Variants in NMBR observed in about 807,000 individuals in gnomAD.
NMBR encodes neuromedin-B receptor.
In NMBR, 16 loss-of-function variants were observed where a neutral mutation model predicts 20.5. The observed-to-expected ratio is 0.78, with a 90% CI of 0.53 to 1.19. NMBR has a LOEUF of 1.19. Ranked by LOEUF, NMBR falls within the 50% of genes most tolerant of loss-of-function variation. The pLI is 0.00. For missense variants in NMBR, 582 were observed against 499.1 expected (o/e 1.17, Z -1.58); for synonymous variants, 212 against 196.6 (o/e 1.08, Z -0.65).
chr6:142,140,708 C>A (rs1046101474), intron 1 of NMBR, among the ~76,000 whole-genome samples: 5 of 152,150 alleles, frequency 3.3e-5, no homozygotes, highest in East Asian at 1.9e-4. Flanking sequence ...ATTTTAAAAT[C>A]TTGAATATTT....
intron 2 of NMBR, among the ~76,000 whole-genome samples, chr6:142,079,165 GAA>G (rs1777041760): frequency 2.6e-5 from 1 of 38,024 alleles, no homozygotes; most frequent in Non-Finnish European, 4.7e-5. Context: ...GAGAGGAGAG[GAA>G]AGGAAAGGAA....
At chr6:142,087,088 G>A (rs1777213203) in intron 2 of NMBR, among the ~76,000 whole-genome samples, 1 of 152,136 alleles carries the variant, frequency 6.6e-6, no homozygotes, top group Non-Finnish European at 1.5e-5. Flanking sequence ...TAAGTTTCCA[G>A]GAGTGTGGTT....
chr6:142,122,965 T>C (rs963892026), intron 1 of NMBR, among the ~76,000 whole-genome samples: 1 of 151,900 alleles, frequency 6.6e-6, no homozygotes, highest in African/African-American at 2.4e-5. Flanking sequence ...CTGCAGCCAA[T>C]GGGAAAAGGA....
intron 1 of NMBR, among the ~76,000 whole-genome samples, chr6:142,123,860 G>A (rs570686553): frequency 5.3e-5 from 8 of 152,000 alleles, no homozygotes; most frequent in African/African-American, 7.2e-5. Flanking sequence ...GTAGTTTGCC[G>A]AACCCCTTCC....
At chr6:142,105,507 T>A (rs1777645965) in intron 1 of NMBR, among the ~76,000 whole-genome samples, 1 of 152,212 alleles carries the variant, frequency 6.6e-6, no homozygotes, top group African/African-American at 2.4e-5. Context: ...TTTTACATTT[T>A]CTCCAACTTT....
intron 1 of NMBR, among the ~76,000 whole-genome samples, chr6:142,116,743 G>A (rs573069152): frequency 2.1e-4 from 32 of 151,784 alleles, no homozygotes; most frequent in African/African-American, 5.8e-4. Flanking sequence ...TCATGTTTCC[G>A]TTAAAATTTG....
chr6:142,122,065 G>A (rs994235187), intron 1 of NMBR, among the ~76,000 whole-genome samples: 1 of 151,916 alleles, frequency 6.6e-6, no homozygotes, highest in African/African-American at 2.4e-5. Context: ...TCAGCATAAA[G>A]TTTGAAATGG....
At chr6:142,100,018 T>C (rs1180241924) in intron 1 of NMBR, among the ~76,000 whole-genome samples, 4 of 152,166 alleles carry the variant, frequency 2.6e-5, no homozygotes, top group Non-Finnish European at 5.9e-5. Context: ...GATACCCCTA[T>C]ACATTTATTA....
chr6:142,132,863 T>C (rs956952256), intron 1 of NMBR, among the ~76,000 whole-genome samples: 1 of 151,986 alleles, frequency 6.6e-6, no homozygotes, highest in African/African-American at 2.4e-5. Flanking sequence ...CTGGCACTCC[T>C]GGCTGGCTGG....
Position 142,076,144 on chromosome 6 carries a change from C to A in NMBR, c.772-95G>T, listed in dbSNP as rs1776943296. 5.7e-6 allele frequency: 5 copies of A among 879,206 alleles called. No homozygotes were observed. The East Asian group carries it at 1.0e-4, about 18-fold the overall frequency. 54.5% of individuals were successfully genotyped at this position (879,206 alleles called of 1,614,324 possible). On this transcript the variant is annotated intron_variant, in intron 3 of 3. Transcript: ENST00000258042. ...AGTCAGGAAAGAGCAAAATTTACAG[C>A]ATGATAATACATCCAAAATACATAA...
At chr6:142,091,098 A>G (rs1777313358) in intron 1 of NMBR, among the ~76,000 whole-genome samples, 1 of 152,218 alleles carries the variant, frequency 6.6e-6, no homozygotes, top group South Asian at 2.1e-4. Context: ...TTTTATTAAA[A>G]TGTTATAAAG....
chr6:142,088,614 C>G lies in NMBR; in HGVS notation c.45G>C (p.Ala15=). Residue 15 remains alanine (A), a synonymous_variant, in exon 2 of 4, where the codon GCG becomes GCC. Transcript: ENST00000258042. ...CCTCGGGAACGGAACCGCTCTCATT[C>G]GCGCCGGTGGTCACCGAGAGGTTGG... is the stretch of plus-strand genomic sequence containing the variant. ...SLSNLSVTTG[A]NESGSVPEGW... is the part of the protein sequence containing the mutation. 6.2e-7 allele frequency: 1 copy of G among 1,609,160 alleles called. No homozygotes were observed. The highest frequency in any genetic ancestry group is 8.5e-7 in the Non-Finnish European group (1 of 1,179,922).
intron 1 of NMBR, chr6:142,133,760 C>T (rs1778191307): frequency 1.9e-6 from 1 of 524,008 alleles, no homozygotes; most frequent in Middle Eastern, 3.2e-4. Flanking sequence ...TTGACTCTTA[C>T]ATTTTTTAAA....
In NMBR at chr6:142,088,260, A is replaced by T. The variant is rs1239070764; in HGVS notation, c.399T>A (p.Thr133=). ...QLTSVGVSVF[T]LTALSADRYR... is the part of the protein sequence containing the mutation. Reference sequence around the variant, plus strand: ...ACCTGTCGGCGCTGAGGGCAGTGAGAGTGAACACGGAAACCCCCACGGAAG... The same window carrying T: ...ACCTGTCGGCGCTGAGGGCAGTGAGTGTGAACACGGAAACCCCCACGGAAG... Residue 133 remains threonine, a synonymous_variant, in exon 2 of 4, where the codon ACT becomes ACA. Coordinates refer to ENST00000258042, the MANE Select transcript of NMBR (RefSeq NM_002511.4). 2 of 1,612,770 alleles carry T rather than the reference A, an allele frequency of 1.2e-6. No homozygotes were observed.
rs748910779 is a variant in NMBR at position 142,078,620 on chromosome 6, C to A, written c.706G>T (p.Ala236Ser). ...TGTGCGCTTTTAATTAAGGTCTTTG[C>A]AATATGATAATAATAAATGCTAATA... ...AIISIYYYHI[A>S]KTLIKSAHNL... The change falls in exon 3 of 4, where the codon GCA becomes TCA. Residue 236 changes from alanine (A) to serine (S), a missense_variant. Physicochemically the swap from Ala to Ser is moderately conservative, Grantham distance 99 (BLOSUM62 1). Transcript: ENST00000258042. 1 of 1,613,062 alleles carries A rather than the reference C, an allele frequency of 6.2e-7. No homozygotes were observed. The highest frequency in any genetic ancestry group is 2.2e-5 in the East Asian group (1 of 44,882).
chr6:142,096,015 T>G (rs1316369972), intron 1 of NMBR, among the ~76,000 whole-genome samples: 1 of 152,192 alleles, frequency 6.6e-6, no homozygotes, highest in Non-Finnish European at 1.5e-5. Context: ...TTATCATTTT[T>G]TATTGCATCT....
In NMBR at chr6:142,088,448, T is replaced by G; in HGVS notation, c.211A>C (p.Asn71His). The G allele has an allele frequency of 1.2e-6, 2 of 1,613,966 alleles. No homozygotes were observed. Among genetic ancestry groups the G allele is most frequent in the Non-Finnish European group, 1.7e-6 (2 of 1,179,988 alleles). ...TTGGGGACGCTCCTCATGGCGCTGT[T>G]GGTGATGAAGATCTTCACCAGCATG... ...NIMLVKIFIT[N>H]SAMRSVPNIF... The change falls in exon 2 of 4, where the codon AAC becomes CAC. Residue 71 changes from asparagine to histidine, a missense_variant. Asn to His is a moderately conservative substitution (Grantham distance 68). Transcript: ENST00000258042.
intron 1 of NMBR, among the ~76,000 whole-genome samples, 124 bp downstream of exon 1, chr6:142,146,920 C>G (rs1168166987): frequency 6.6e-6 from 1 of 152,198 alleles, no homozygotes. Context: ...AGGCAATTCT[C>G]GCCTTTATAC....
At chr6:142,125,521 T>TACATGTGCATGAATATACACATA (rs1554215499) in intron 1 of NMBR, among the ~76,000 whole-genome samples, 1 of 70,506 alleles carries the variant, frequency 1.4e-5, no homozygotes, top group African/African-American at 4.7e-5. Flanking sequence ...ACATACACAA[T>TACATGTGCATGAATATACACATA]TACTCATGCT....
Sources: gnomAD v4.1 joint callset for allele counts (sites outside exome capture counted in the v4.1 genomes callset) on GRCh38, gnomAD v4.1.1 for gene constraint, MANE v1.5 for transcripts, NCBI Gene and HGNC (gene_info 2026-07-23, HGNC 2026-07-21) for gene names.